COMT: variants seen among roughly 807,000 people sequenced by gnomAD.
COMT encodes the protein catechol-O-methyltransferase, also known as catechol O-methyltransferase.
COMT carries 13 observed loss-of-function variants against 18.9 expected under a neutral mutation model. The observed-to-expected ratio is 0.69, with a 90% CI of 0.45 to 1.09. The LOEUF is 1.09. Ranked by LOEUF, COMT falls within the 50% of genes least tolerant of loss-of-function variation. COMT has a pLI of 0.00. For missense variants in COMT, 329 were observed against 361.8 expected (o/e 0.91, Z 0.73); for synonymous variants, 150 against 160.9 (o/e 0.93, Z 0.51).
At chr22:19,968,468 C>A (rs977343429) in intron 5 of COMT, 68 bp from the exon 6 acceptor site, 3 of 1,499,410 alleles carry the variant, frequency 2.0e-6, no homozygotes, top group Admixed American at 1.9e-5. Context: ...GAGCACCCAT[C>A]CTGGTTTGGG....
At position 19,964,203 on chromosome 22, in the gene COMT, C is replaced by A. The variant is rs145561434; in HGVS notation, c.519C>A (p.Ile173=). The A allele has an allele frequency of 6.2e-7, 1 of 1,614,030 alleles. No homozygotes were observed. The highest frequency in any genetic ancestry group is 8.5e-7 in the Non-Finnish European group (1 of 1,180,038). ...TGGTTGGAGCGTCCCAGGACATCATCCCCCAGCTGAAGAAGAAGTATGATG... is the reference window on the plus strand; with the variant it reads ...TGGTTGGAGCGTCCCAGGACATCATACCCCAGCTGAAGAAGAAGTATGATG... ...TLVVGASQDI[I]PQLKKKYDVD... Residue 173 remains isoleucine, a synonymous_variant, in exon 5 of 6, where the codon ATC becomes ATA. Coordinates refer to ENST00000361682, the MANE Select transcript of COMT (RefSeq NM_000754.4).
chr22:19,967,224 G>A, intron 5 of COMT: 1 of 1,304,110 alleles, frequency 7.7e-7, no homozygotes, highest in Non-Finnish European at 1.0e-6. Context: ...TGACCAGATT[G>A]GGCTCCTGAG....
chr22:19,945,471 A>G (rs2146127557), intron 1 of COMT, among the ~76,000 whole-genome samples: 1 of 152,330 alleles, frequency 6.6e-6, no homozygotes, highest in East Asian at 1.9e-4. Context: ...GTGTCCTGTT[A>G]CAAGGAGAAC....
rs1285468169 is a variant in COMT at position 19,963,702 on chromosome 22, C to A, written c.426C>A (p.Asn142Lys). The A allele has an allele frequency of 1.2e-6, 2 of 1,612,994 alleles. No individual in the cohort carries two copies. Among genetic ancestry groups the A allele is most frequent in the South Asian group, 1.1e-5 (1 of 91,078 alleles). ...CGAGGCTCATCACCATCGAGATCAACCCCGACTGTGCCGCCATCACCCAGC... is the reference window on the plus strand; with the variant it reads ...CGAGGCTCATCACCATCGAGATCAAACCCGACTGTGCCGCCATCACCCAGC... The part of the protein sequence containing the change: ...PGARLITIEI[N>K]PDCAAITQRM... Residue 142 changes from asparagine to lysine, a missense_variant, in exon 4 of 6, where the codon AAC becomes AAA. Physicochemically the swap from Asn to Lys is moderately conservative, Grantham distance 94. Transcript: ENST00000361682.
intron 5 of COMT, among the ~76,000 whole-genome samples, chr22:19,965,911 T>C (rs899562936): frequency 2.6e-5 from 4 of 152,258 alleles, no homozygotes; most frequent in Admixed American, 6.5e-5. Flanking sequence ...CAATTGGGTA[T>C]TGATGGCAGA....
chr22:19,962,646 G>A lies in COMT; in HGVS notation c.120G>A (p.Glu40=), dbSNP rs1834557494. The A allele has an allele frequency of 1.9e-6, 3 of 1,608,080 alleles. No individual in the cohort carries two copies. The highest frequency in any genetic ancestry group is 2.5e-6 in the Non-Finnish European group (3 of 1,178,172). The change falls in exon 3 of 6, where the codon GAG becomes GAA. Residue 40 remains glutamate, a synonymous_variant. Coordinates refer to ENST00000361682, the MANE Select transcript of COMT (RefSeq NM_000754.4). ...GWGLCLIGWN[E]FILQPIHNLL... ...GCCTGTGCCTTATCGGCTGGAACGA[G>A]TTCATCCTGCAGCCCATCCACAACC...
intron 1 of COMT, among the ~76,000 whole-genome samples, chr22:19,942,839 G>A (rs1941765077): frequency 6.6e-6 from 1 of 152,190 alleles, no homozygotes; most frequent in Admixed American, 6.5e-5. Flanking sequence ...TAGGGAAACA[G>A]AAAATCACCA....
chr22:19,942,563 T>A (rs2146122439), intron 1 of COMT, among the ~76,000 whole-genome samples: 1 of 152,310 alleles, frequency 6.6e-6, no homozygotes, highest in East Asian at 1.9e-4. Context: ...CCTGCCCTGC[T>A]AACAGACCTG....
At chr22:19,967,092 C>T in intron 5 of COMT, 2 of 1,245,618 alleles carry the variant, frequency 1.6e-6, no homozygotes, top group Non-Finnish European at 2.1e-6. Context: ...GGAGTGGGCC[C>T]CTGGCAGCCT....
intron 5 of COMT, chr22:19,967,419 ACAT>A (rs1569137116): frequency 2.1e-6 from 1 of 470,430 alleles, no homozygotes. Flanking sequence ...AAATGAAAAC[ACAT>A]CATGATTCAT....
At chr22:19,954,048 G>C (rs1942006484) in intron 1 of COMT, among the ~76,000 whole-genome samples, 1 of 152,212 alleles carries the variant, frequency 6.6e-6, no homozygotes, top group Admixed American at 6.5e-5. Flanking sequence ...GCCCCCTGGG[G>C]CTGTGAATCT....
Position 19,968,657 on chromosome 22 carries a change from C to T in COMT, c.737C>T (p.Ser246Leu), listed in dbSNP as rs372535915. The change falls in exon 6 of 6, where the codon TCG becomes TTG. Residue 246 changes from serine (S) to leucine (L), a missense_variant. Coordinates refer to ENST00000361682, the MANE Select transcript of COMT (RefSeq NM_000754.4). Reference sequence around the variant, plus strand: ...TGCTTTGAGTGCACACACTACCAATCGTTCCTGGAATACAGGGAGGTGGTG... The same window carrying T: ...TGCTTTGAGTGCACACACTACCAATTGTTCCTGGAATACAGGGAGGTGGTG... Reference protein sequence around the residue: ...SSCFECTHYQSFLEYREVVDG... With the variant: ...SSCFECTHYQLFLEYREVVDG... 14 of 1,613,950 alleles carry T rather than the reference C, an allele frequency of 8.7e-6. No individual in the cohort carries two copies. The highest frequency in any genetic ancestry group is 1.7e-5 in the Admixed American group (1 of 60,006).
At chr22:19,958,079 T>A (rs1942104020) in intron 1 of COMT, among the ~76,000 whole-genome samples, 1 of 151,842 alleles carries the variant, frequency 6.6e-6, no homozygotes, top group Admixed American at 6.6e-5. Flanking sequence ...CTGGGTCATA[T>A]GGTAGTTCTA....
At chr22:19,943,280 G>T (rs1278412016) in intron 1 of COMT, among the ~76,000 whole-genome samples, 1 of 152,162 alleles carries the variant, frequency 6.6e-6, no homozygotes, top group African/African-American at 2.4e-5. Context: ...AACTACCAGC[G>T]GGACCATCTG....
chr22:19,965,621 T>C (rs1942349297), intron 5 of COMT: 1 of 152,290 alleles, frequency 6.6e-6, no homozygotes, highest in African/African-American at 2.4e-5. Context: ...ATTACAGGCG[T>C]GAGCCACTGC....
chr22:19,968,397 G>A (rs1942540635), intron 5 of COMT, 139 bp from the exon 6 acceptor site: 2 of 809,018 alleles, frequency 2.5e-6, no homozygotes, highest in Non-Finnish European at 4.2e-6. Context: ...GTCACGCTGG[G>A]CAGAAAGTGG....
chr22:19,943,251 G>C (rs1941775025), intron 1 of COMT, among the ~76,000 whole-genome samples: 1 of 152,198 alleles, frequency 6.6e-6, no homozygotes, highest in Non-Finnish European at 1.5e-5. Context: ...TCCATTTTCT[G>C]TTCTGTGTTG....
At chr22:19,956,137 C>CCTTTTTTTTTT (rs1569129365) in intron 1 of COMT, among the ~76,000 whole-genome samples, 3 of 84,818 alleles carry the variant, frequency 3.5e-5, no homozygotes, top group African/African-American at 4.9e-5. Context: ...TTCTTTTTTT[C>CCTTTTTTTTTT]TTTTTTTTTT....
At chr22:19,948,732 A>G (rs914744055) in intron 1 of COMT, among the ~76,000 whole-genome samples, 1 of 152,152 alleles carries the variant, frequency 6.6e-6, no homozygotes, top group African/African-American at 2.4e-5. Context: ...AGGTGGACAG[A>G]TCACCTGAGA....
Sources: gnomAD v4.1 joint callset for allele counts (sites outside exome capture counted in the v4.1 genomes callset) on GRCh38, gnomAD v4.1.1 for gene constraint, MANE v1.5 for transcripts, NCBI Gene and HGNC (gene_info 2026-07-23, HGNC 2026-07-21) for gene names.